Variants in SPATA21 observed in about 807,000 individuals in gnomAD.
The protein encoded by SPATA21 is spermatogenesis-associated protein 21.
A neutral mutation model predicts 54.8 loss-of-function variants in SPATA21; 47 were observed. The ratio of observed to expected loss-of-function variants is 0.86; its 90% confidence interval spans 0.68 to 1.09. The LOEUF (loss-of-function observed/expected upper bound fraction) is 1.09, where lower values mean the gene tolerates loss of function less well. SPATA21 is among the 50% of genes least tolerant of loss of function. The pLI is 0.00. For synonymous variants in SPATA21, 245 were observed against 235.3 expected (o/e 1.04, Z -0.38); for missense variants, 599 against 596.4 (o/e 1.00, Z -0.05).
downstream of SPATA21, chr1:16,397,710 C>T (rs1163752690): frequency 1.3e-5 from 2 of 152,686 alleles, no homozygotes; most frequent in Non-Finnish European, 2.9e-5. This position sits in a 1 kb window ranked among gnomAD's most constrained non-coding sequence, Gnocchi z 5.4. Context: ...TGGTGACCAA[C>T]CTTTCTCAGC....
At position 16,428,329 on chromosome 1, in the gene SPATA21, G is replaced by A. The variant is rs921451788; in HGVS notation, c.34+3009C>T. Among the ~76,000 whole-genome samples, 20 of 152,182 alleles carry A rather than the reference G, an allele frequency of 1.3e-4. No individual in the cohort carries two copies. Among genetic ancestry groups the A allele is most frequent in the Admixed American group, 1.3e-3 (20 of 15,278 alleles). On this transcript the variant is annotated intron_variant, in intron 3 of 12. Coordinates refer to ENST00000335496, the MANE Select transcript of SPATA21 (RefSeq NM_198546.1). This position sits in a 1 kb window ranked among gnomAD's most constrained non-coding sequence, Gnocchi z 4.3. Reference sequence around the variant, plus strand: ...TGGGGGACCCCAAGACTCTCACAAGGTCCAAGAGACGCCTTCAACAATTCC... The same window carrying A: ...TGGGGGACCCCAAGACTCTCACAAGATCCAAGAGACGCCTTCAACAATTCC...
intron 7 of SPATA21, chr1:16,408,452 C>G: frequency 4.1e-6 from 4 of 985,324 alleles, no homozygotes; most frequent in Non-Finnish European, 4.8e-6. Context: ...TGAAGAGGAC[C>G]AATAGAGCAG....
chr1:16,412,260 G>T (rs12135288), intron 5 of SPATA21, among the ~76,000 whole-genome samples: 56,977 of 151,692 alleles, frequency 0.38, 11,194 homozygotes, highest in African/African-American at 0.42. Flanking sequence ...TTGTCCTTCC[G>T]AATACCAGAT....
chr1:16,409,211 GGACAGAA>G lies in SPATA21; in HGVS notation c.588-15_588-9del, dbSNP rs1337136317. 1 of 1,613,904 alleles carries G rather than the reference GGACAGAA, an allele frequency of 6.2e-7. No individual in the cohort carries two copies. The highest frequency in any genetic ancestry group is 2.2e-5 in the East Asian group (1 of 44,874). On this transcript the variant is annotated splice_polypyrimidine_tract_variant and intron_variant, in intron 6 of 12. Transcript: ENST00000335496. This position sits in a 1 kb window ranked among gnomAD's most constrained non-coding sequence, Gnocchi z 4.1. Reference sequence around the variant, plus strand: ...TGCTCTTCCGGCTCCTGCCTGCAGAGGACAGAACCCCGACCCAGGGCAACATCCGGCC... The same window carrying G: ...TGCTCTTCCGGCTCCTGCCTGCAGAGCCCCGACCCAGGGCAACATCCGGCC...
intron 3 of SPATA21, chr1:16,427,790 T>A: frequency 6.8e-7 from 1 of 1,467,750 alleles, no homozygotes. Flanking sequence ...TTCTCCATTC[T>A]CTCTCTCTCC....
chr1:16,436,697 T>TG (rs1483964986), intron 1 of SPATA21, among the ~76,000 whole-genome samples: 2 of 151,410 alleles, frequency 1.3e-5, no homozygotes, highest in Admixed American at 1.3e-4. Flanking sequence ...ACCTGGGAGA[T>TG]GGAGGTTGCA....
At chr1:16,415,063 G>A (rs564875759) in intron 5 of SPATA21, among the ~76,000 whole-genome samples, 6 of 152,246 alleles carry the variant, frequency 3.9e-5, no homozygotes, top group South Asian at 4.1e-4. Context: ...TGGGCCAGGC[G>A]CAGTGGCTCA....
intron 10 of SPATA21, among the ~76,000 whole-genome samples, 195 bp from the exon 11 acceptor site, chr1:16,401,087 T>C (rs537447505): frequency 1.3e-5 from 2 of 152,280 alleles, no homozygotes; most frequent in South Asian, 4.1e-4. Context: ...TCAGTCACCC[T>C]GTGTAAAATG....
At chr1:16,422,076 C>T in intron 3 of SPATA21, 105 bp from the exon 4 acceptor site, 3 of 1,595,704 alleles carry the variant, frequency 1.9e-6, no homozygotes, top group Non-Finnish European at 2.6e-6. Flanking sequence ...GTGTGGGACA[C>T]CTGCCTCCTT....
At chr1:16,426,579 A>ATATATTTT (rs1401259793) in intron 3 of SPATA21, among the ~76,000 whole-genome samples, 1 of 107,154 alleles carries the variant, frequency 9.3e-6, no homozygotes, top group Non-Finnish European at 1.8e-5. Flanking sequence ...ATATATATAT[A>ATATATTTT]TTTTTTTTTT....
intron 3 of SPATA21, among the ~76,000 whole-genome samples, chr1:16,426,557 CTATATATA>C (rs778670029): frequency 0.02 from 1,754 of 85,788 alleles, 21 homozygotes; most frequent in Admixed American, 0.03. Context: ...TGGTGCCCGG[CTATATATA>C]TATATATATA....
At chr1:16,408,245 T>G (rs1013218680) in intron 7 of SPATA21, among the ~76,000 whole-genome samples, 2 of 152,054 alleles carry the variant, frequency 1.3e-5, no homozygotes, top group African/African-American at 4.8e-5. Context: ...GCCAGGGTGA[T>G]GGGGGAGTGG....
intron 5 of SPATA21, among the ~76,000 whole-genome samples, chr1:16,416,793 T>C (rs1335508164): frequency 6.6e-6 from 1 of 152,106 alleles, no homozygotes; most frequent in Non-Finnish European, 1.5e-5. Flanking sequence ...TAGGATGGCC[T>C]TCAAGGCTTT....
intron 3 of SPATA21, among the ~76,000 whole-genome samples, chr1:16,423,426 A>C (rs1277117620): frequency 6.6e-6 from 1 of 151,422 alleles, no homozygotes; most frequent in Non-Finnish European, 1.5e-5. Flanking sequence ...AAAAAAAAAA[A>C]AAAAAAAGTG....
In SPATA21 at chr1:16,409,826, G is replaced by A; in HGVS notation, c.362C>T (p.Pro121Leu). The A allele has an allele frequency of 6.3e-7, 1 of 1,598,610 alleles. No individual in the cohort carries two copies. The highest frequency in any genetic ancestry group is 8.5e-7 in the Non-Finnish European group (1 of 1,173,152). Residue 121 changes from proline to leucine, a missense_variant, in exon 6 of 13, where the codon CCC becomes CTC. Pro to Leu is a moderately conservative substitution (Grantham distance 98, BLOSUM62 -3). Transcript: ENST00000335496. The surrounding 1 kb of genome is among the most constrained non-coding windows in gnomAD (Gnocchi z 4.1). ...QKSPRTLTPV[P>L]TSAPSLPQTP... is the part of the protein sequence containing the mutation. ...CTGAGGCAGGCTTGGAGCTGAGGTG[G>A]GCACCGGGGTCAGGGTCCTGGGCGA...
Position 16,409,665 on chromosome 1 carries a change from C to G in SPATA21, c.523G>C (p.Gly175Arg). 6.2e-7 allele frequency: 1 copy of G among 1,613,392 alleles called. No individual in the cohort carries two copies. The highest frequency in any genetic ancestry group is 8.5e-7 in the Non-Finnish European group (1 of 1,179,984). The part of the protein sequence containing the change: ...PVLLGPALDL[G>R]WRRMELLHQS... Reference sequence around the variant, plus strand: ...TGCAAGAGTTCCATCCTTCTCCAGCCCAGGTCCAGGGCAGGGCCCAGCAGG... The same window carrying G: ...TGCAAGAGTTCCATCCTTCTCCAGCGCAGGTCCAGGGCAGGGCCCAGCAGG... The change falls in exon 6 of 13, where the codon GGC becomes CGC. Residue 175 changes from glycine (G) to arginine (R), a missense_variant. Coordinates refer to ENST00000335496, the MANE Select transcript of SPATA21 (RefSeq NM_198546.1). The surrounding 1 kb of genome is among the most constrained non-coding windows in gnomAD (Gnocchi z 4.1).
chr1:16,398,163 C>T (rs1397537927), downstream of SPATA21: 2 of 286,206 alleles, frequency 7.0e-6, no homozygotes, highest in Non-Finnish European at 1.1e-5. Flanking sequence ...GTCCTCATTT[C>T]AGTCCCTGCC....
At position 16,421,897 on chromosome 1, in the gene SPATA21, G is replaced by A. The variant is rs769912747; in HGVS notation, c.95+14C>T. On this transcript the variant is annotated intron_variant, in intron 4 of 12. Transcript: ENST00000335496. The surrounding 1 kb of genome is among the most constrained non-coding windows in gnomAD (Gnocchi z 5.2). ...CTTGTTGGGGGCAGGGGATGGCACT[G>A]GATGATGACTTACCCTCCTTTTGCT... 1.9e-6 allele frequency: 3 copies of A among 1,614,200 alleles called. No individual in the cohort carries two copies. The highest frequency in any genetic ancestry group is 8.5e-7 in the Non-Finnish European group (1 of 1,180,026).
intron 3 of SPATA21, among the ~76,000 whole-genome samples, chr1:16,430,657 G>C (rs1321044599): frequency 2.0e-5 from 3 of 152,286 alleles, no homozygotes; most frequent in Admixed American, 6.5e-5. Flanking sequence ...TCACCCTGCA[G>C]CTCTTTCCGT....
Sources: gnomAD v4.1 joint callset for allele counts (sites outside exome capture counted in the v4.1 genomes callset) on GRCh38, gnomAD v4.1.1 for gene constraint, Gnocchi (gnomAD v3.1) non-coding constraint, MANE v1.5 for transcripts, NCBI Gene and HGNC (gene_info 2026-07-23, HGNC 2026-07-21) for gene names.